Variants in MEGF11 observed in about 807,000 individuals in gnomAD.
MEGF11 encodes the protein multiple epidermal growth factor-like domains protein 11.
Under a neutral mutation model 146.6 loss-of-function variants are expected in MEGF11, and 126 were observed. The observed-to-expected ratio is 0.86, with a 90% CI of 0.74 to 1.00. MEGF11 has a LOEUF of 1.00. Among genes scored for constraint, MEGF11 ranks in the 50% least tolerant of loss-of-function variants. MEGF11 has a pLI of 0.00. For synonymous variants in MEGF11, 532 were observed against 583.4 expected (o/e 0.91, Z 1.27); for missense variants, 1,509 against 1,521.2 (o/e 0.99, Z 0.13).
At chr15:66,239,605 AT>A (rs113632288) in intron 1 of MEGF11, among the ~76,000 whole-genome samples, 4 of 152,322 alleles carry the variant, frequency 2.6e-5, no homozygotes, top group African/African-American at 9.6e-5. Context: ...CAGTGGTCTC[AT>A]CTAACATCAC....
intron 5 of MEGF11, among the ~76,000 whole-genome samples, chr15:66,045,596 A>G (rs2084173089): frequency 6.6e-6 from 1 of 152,214 alleles, no homozygotes; most frequent in Non-Finnish European, 1.5e-5. Flanking sequence ...CCGGGCCAGC[A>G]GGCTGTGAAT....
At chr15:65,914,770 T>C (rs555634582) in intron 19 of MEGF11, among the ~76,000 whole-genome samples, 2 of 152,312 alleles carry the variant, frequency 1.3e-5, no homozygotes, top group African/African-American at 4.8e-5. Context: ...GTCTTTTGGC[T>C]CCTTTTCTGT....
intron 5 of MEGF11, among the ~76,000 whole-genome samples, chr15:65,983,613 A>G (rs11071854): frequency 0.18 from 27,410 of 152,160 alleles, 2,738 homozygotes; most frequent in Non-Finnish European, 0.23. Context: ...GCTGTAAAGG[A>G]TGTCTCACTT....
At chr15:66,172,218 AC>A (rs1428773239) in intron 1 of MEGF11, among the ~76,000 whole-genome samples, 1 of 152,226 alleles carries the variant, frequency 6.6e-6, no homozygotes, top group Admixed American at 6.5e-5. Flanking sequence ...CAGGGGAGGC[AC>A]TGTCTTGCAA....
At chr15:65,962,137 A>G (rs1330937679) in intron 9 of MEGF11, among the ~76,000 whole-genome samples, 1 of 152,232 alleles carries the variant, frequency 6.6e-6, no homozygotes, top group Non-Finnish European at 1.5e-5. Context: ...TAGAAGTCAC[A>G]GAGTCATTCC....
chr15:66,187,294 C>T (rs575498863), intron 1 of MEGF11, among the ~76,000 whole-genome samples: 50 of 152,334 alleles, frequency 3.3e-4, no homozygotes, highest in Middle Eastern at 3.4e-3. Context: ...CTCCTTTGTT[C>T]CCCCATCCCT....
intron 10 of MEGF11, among the ~76,000 whole-genome samples, chr15:65,943,101 C>T (rs1021971963): frequency 6.6e-6 from 1 of 150,628 alleles, no homozygotes; most frequent in African/African-American, 2.4e-5. Flanking sequence ...ATTCTCCTGC[C>T]TCAGCCTCCC....
At chr15:66,038,495 C>T (rs976517114) in intron 5 of MEGF11, among the ~76,000 whole-genome samples, 2 of 152,198 alleles carry the variant, frequency 1.3e-5, no homozygotes, top group Non-Finnish European at 2.9e-5. Flanking sequence ...CCTCTCCTTT[C>T]ACACCAGGGA....
intron 7 of MEGF11, among the ~76,000 whole-genome samples, chr15:65,980,488 C>T (rs1351148133): frequency 6.7e-6 from 1 of 148,486 alleles, no homozygotes; most frequent in African/African-American, 2.5e-5. Flanking sequence ...TGACCTCTGC[C>T]CCCTGGTTCA....
chr15:65,915,676 A>G (rs2078973010), intron 18 of MEGF11, 78 bp from the exon 19 acceptor site: 2 of 1,550,536 alleles, frequency 1.3e-6, no homozygotes, highest in Non-Finnish European at 1.8e-6. Flanking sequence ...CAGCTATGGC[A>G]ATAAGCCTGT....
intron 1 of MEGF11, among the ~76,000 whole-genome samples, chr15:66,152,186 G>C (rs1445140132): frequency 1.3e-5 from 2 of 152,328 alleles, no homozygotes; most frequent in East Asian, 3.9e-4. Context: ...CAGGGATGGA[G>C]AGGTAGTGTC....
chr15:66,206,590 T>G (rs1390100651), intron 1 of MEGF11, among the ~76,000 whole-genome samples: 1 of 151,978 alleles, frequency 6.6e-6, no homozygotes, highest in Non-Finnish European at 1.5e-5. Context: ...GTTCAAAAAG[T>G]ACAATAACCA....
chr15:66,207,926 A>C (rs2091343175), intron 1 of MEGF11, among the ~76,000 whole-genome samples: 1 of 152,148 alleles, frequency 6.6e-6, no homozygotes. Flanking sequence ...CTACTAAAAA[A>C]AATACAAAAA....
intron 5 of MEGF11, among the ~76,000 whole-genome samples, chr15:66,046,375 C>T (rs2084203631): frequency 6.6e-6 from 1 of 152,252 alleles, no homozygotes; most frequent in Admixed American, 6.5e-5. Flanking sequence ...GGAGGAAGCA[C>T]ACCCCAGACT....
intron 1 of MEGF11, among the ~76,000 whole-genome samples, chr15:66,236,524 G>A (rs2092095440): frequency 1.3e-5 from 2 of 152,166 alleles, no homozygotes; most frequent in Admixed American, 1.3e-4. Context: ...GGCACAGGCT[G>A]GGTCTGCCCT....
intron 1 of MEGF11, among the ~76,000 whole-genome samples, chr15:66,231,854 T>C (rs2091973715): frequency 6.6e-6 from 1 of 152,216 alleles, no homozygotes; most frequent in East Asian, 1.9e-4. Flanking sequence ...GGAATACATG[T>C]GTTTATCATC....
chr15:66,023,151 A>AAAAACAAAAC (rs2083216943), intron 5 of MEGF11, among the ~76,000 whole-genome samples: 2 of 150,116 alleles, frequency 1.3e-5, no homozygotes, highest in African/African-American at 4.9e-5. Context: ...AAAAAAAAAA[A>AAAAACAAAAC]AAAACAAACT....
intron 5 of MEGF11, among the ~76,000 whole-genome samples, chr15:66,022,825 G>T (rs981727546): frequency 7.0e-6 from 1 of 142,190 alleles, no homozygotes; most frequent in Non-Finnish European, 1.5e-5. Context: ...TCTAGCCTGG[G>T]CAACAGAGCA....
chr15:66,184,785 AC>A (rs1353862843), intron 1 of MEGF11, among the ~76,000 whole-genome samples: 7 of 147,732 alleles, frequency 4.7e-5, no homozygotes, highest in African/African-American at 1.8e-4. Context: ...TGTAACTCCC[AC>A]CCCCAACCCC....
Sources: allele counts gnomAD v4.1 joint callset (sites outside exome capture counted in the v4.1 genomes callset), GRCh38; gene constraint gnomAD v4.1.1; transcripts MANE v1.5; gene names NCBI Gene and HGNC (gene_info 2026-07-23, HGNC 2026-07-21).